TTC17: variants seen among roughly 807,000 people sequenced by gnomAD.
The protein encoded by TTC17 is tetratricopeptide repeat domain 17, also known as tetratricopeptide repeat protein 17.
Under a neutral mutation model 143.8 loss-of-function variants are expected in TTC17, and 58 were observed. The observed-to-expected ratio is 0.40, with a 90% CI of 0.33 to 0.50. The LOEUF (loss-of-function observed/expected upper bound fraction) is 0.50. TTC17 is among the 20% of genes least tolerant of loss of function. TTC17 has a pLI of 0.49. For synonymous variants in TTC17, 501 were observed against 497.8 expected, an observed-to-expected ratio of 1.01 and a Z score of -0.09; for missense variants, 1,273 against 1,392.5, an observed-to-expected ratio of 0.91 and a Z score of 1.37.
At chr11:43,447,981 C>T in intron 18 of TTC17, 21 bp from the exon 19 acceptor site, 1 of 1,612,446 alleles carries the variant, frequency 6.2e-7, no homozygotes, top group South Asian at 1.1e-5. Context: ...TGTGTGGATT[C>T]ATGGCATACT....
intron 21 of TTC17, among the ~76,000 whole-genome samples, chr11:43,484,009 G>A (rs1948334152): frequency 6.6e-6 from 1 of 152,128 alleles, no homozygotes; most frequent in South Asian, 2.1e-4. Context: ...AGGCGTGGTG[G>A]TGCAGCCCTG....
At chr11:43,467,138 G>A (rs552767527) in intron 21 of TTC17, among the ~76,000 whole-genome samples, 99 of 152,222 alleles carry the variant, frequency 6.5e-4, no homozygotes, top group African/African-American at 2.2e-3. Flanking sequence ...ATTAAACATT[G>A]AATTACTATA....
intron 2 of TTC17, among the ~76,000 whole-genome samples, chr11:43,385,028 G>A (rs1293925278): frequency 1.3e-5 from 2 of 152,004 alleles, no homozygotes; most frequent in Non-Finnish European, 2.9e-5. Context: ...CTAACAACTC[G>A]GCCTCATGGA....
chr11:43,396,653 A>T, intron 5 of TTC17, 56 bp from the exon 6 acceptor site: 1 of 1,023,284 alleles, frequency 9.8e-7, no homozygotes, highest in South Asian at 1.9e-5. Context: ...CCTTTTGAGT[A>T]TTCTAAGTTA....
intron 22 of TTC17, chr11:43,490,995 C>T (rs1217785984): frequency 2.6e-5 from 4 of 151,822 alleles, no homozygotes; most frequent in African/African-American, 7.3e-5. Flanking sequence ...CTGAGTTCTG[C>T]ATTAATCCAG....
intron 1 of TTC17, chr11:43,370,085 C>G: frequency 2.2e-6 from 1 of 455,494 alleles, no homozygotes; most frequent in Non-Finnish European, 4.4e-6. Context: ...ACAGTTATAG[C>G]CAGGAGCCCA....
intron 2 of TTC17, 45 bp from the exon 3 acceptor site, chr11:43,389,607 A>G (rs1857301249): frequency 1.3e-6 from 2 of 1,532,624 alleles, no homozygotes; most frequent in East Asian, 2.3e-5. Context: ...TAGTTAGACT[A>G]AAATATTAGA....
chr11:43,443,267 C>T, intron 16 of TTC17, 58 bp from the exon 17 acceptor site: 1 of 1,579,974 alleles, frequency 6.3e-7, no homozygotes, highest in Non-Finnish European at 8.6e-7. Flanking sequence ...TGGAGTCACC[C>T]AAGGTCTTGA....
chr11:43,386,284 G>A (rs1857166928), intron 2 of TTC17, among the ~76,000 whole-genome samples: 1 of 152,140 alleles, frequency 6.6e-6, no homozygotes, highest in Non-Finnish European at 1.5e-5. Flanking sequence ...TATGCTCTGA[G>A]AAATGTGTTG....
chr11:43,431,743 G>A (rs989695818), intron 16 of TTC17, among the ~76,000 whole-genome samples: 1 of 152,202 alleles, frequency 6.6e-6, no homozygotes, highest in Non-Finnish European at 1.5e-5. Flanking sequence ...AGTGGCACAC[G>A]CCAGGAGGCT....
At chr11:43,485,153 C>T (rs1414975359) in intron 21 of TTC17, among the ~76,000 whole-genome samples, 1 of 152,118 alleles carries the variant, frequency 6.6e-6, no homozygotes, top group Non-Finnish European at 1.5e-5. Context: ...ACCCCCTACC[C>T]CATCCATGGT....
intron 21 of TTC17, among the ~76,000 whole-genome samples, chr11:43,464,392 A>G (rs2134803917): frequency 6.6e-6 from 1 of 152,326 alleles, no homozygotes; most frequent in Admixed American, 6.5e-5. Flanking sequence ...GTACAAATAA[A>G]ATGCATGGGA....
chr11:43,396,647 T>TTA (rs1419053188), intron 5 of TTC17, 62 bp from the exon 6 acceptor site: 1 of 933,410 alleles, frequency 1.1e-6, no homozygotes, highest in Non-Finnish European at 1.6e-6. Flanking sequence ...GGTGCTCCTT[T>TTA]TGAGTATTCT....
chr11:43,492,084 T>C lies in TTC17; in HGVS notation c.3215T>C (p.Ile1072Thr). 1 of 1,614,096 alleles carries C rather than the reference T, an allele frequency of 6.2e-7. No homozygotes were observed. Among genetic ancestry groups the C allele is most frequent in the Non-Finnish European group, 8.5e-7 (1 of 1,179,996 alleles). Residue 1072 changes from isoleucine to threonine, a missense_variant, in exon 23 of 24, where the codon ATA becomes ACA. Ile to Thr is a moderately conservative substitution (Grantham distance 89, BLOSUM62 -1). Transcript: ENST00000039989. ...HNAKLWNDAV[I>T]VATMAVEIAP... is the part of the protein sequence containing the mutation. ...GCCAAGCTCTGGAATGACGCCGTCA[T>C]AGTAGCCACCATGGCAGTAGAGATC... is the stretch of plus-strand genomic sequence containing the variant.
chr11:43,362,968 T>C (rs980362645), intron 1 of TTC17, among the ~76,000 whole-genome samples: 2 of 152,218 alleles, frequency 1.3e-5, no homozygotes, highest in Non-Finnish European at 2.9e-5. Context: ...TCCTCTCCGC[T>C]CTGTGCTGTT....
At chr11:43,492,533 C>T (rs1300875565) in intron 23 of TTC17, among the ~76,000 whole-genome samples, 1 of 152,170 alleles carries the variant, frequency 6.6e-6, no homozygotes, top group East Asian at 1.9e-4. Flanking sequence ...TGTCATCGCA[C>T]TCATGACACC....
intron 5 of TTC17, among the ~76,000 whole-genome samples, chr11:43,395,136 T>C (rs566055303): frequency 7.9e-4 from 118 of 150,288 alleles, no homozygotes; most frequent in African/African-American, 2.8e-3. Flanking sequence ...AGTCTCACTC[T>C]GTCGCCCAGG....
At chr11:43,458,968 GAATAGTTTGTATAAGGT>G (rs1947814670) in intron 21 of TTC17, among the ~76,000 whole-genome samples, 1 of 125,614 alleles carries the variant, frequency 8.0e-6, no homozygotes, top group Non-Finnish European at 1.9e-5. Context: ...TATAAGGTTC[GAATAGTTTGTATAAGGT>G]TCGGTACTAT....
chr11:43,435,587 A>G (rs1947274177), intron 16 of TTC17, among the ~76,000 whole-genome samples: 1 of 152,224 alleles, frequency 6.6e-6, no homozygotes, highest in Admixed American at 6.5e-5. Context: ...TTTTATTGAT[A>G]TGACCAGAAC....
Sources: gnomAD v4.1 joint callset for allele counts (sites outside exome capture counted in the v4.1 genomes callset) on GRCh38, gnomAD v4.1.1 for gene constraint, MANE v1.5 for transcripts, NCBI Gene and HGNC (gene_info 2026-07-23, HGNC 2026-07-21) for gene names.